Variants in GSTCD observed in about 807,000 individuals in gnomAD.
The protein encoded by GSTCD is glutathione S-transferase C-terminal domain-containing protein.
Under a neutral mutation model 68.3 loss-of-function variants are expected in GSTCD, and 44 were observed. That is an observed-to-expected ratio of 0.64 (90% CI 0.51 to 0.83). The LOEUF is 0.83. Among genes scored for constraint, GSTCD ranks in the 40% least tolerant of loss-of-function variants. The pLI is 0.00. For synonymous variants in GSTCD, 273 were observed against 255.2 expected (o/e 1.07, Z -0.67); for missense variants, 739 against 735.9 (o/e 1.00, Z -0.05).
intron 5 of GSTCD, among the ~76,000 whole-genome samples, chr4:105,743,107 G>A (rs1297494562): frequency 2.6e-5 from 4 of 151,780 alleles, no homozygotes; most frequent in East Asian, 1.9e-4. Context: ...CCGCCACCAC[G>A]CCTGGCTAAT....
At chr4:105,839,439 A>T (rs1560856694) in intron 10 of GSTCD, among the ~76,000 whole-genome samples, 1 of 152,246 alleles carries the variant, frequency 6.6e-6, no homozygotes, top group Non-Finnish European at 1.5e-5. Context: ...GTTCAAGACC[A>T]GCCTGACCAA....
At chr4:105,714,541 C>T (rs933565107) in intron 1 of GSTCD, among the ~76,000 whole-genome samples, 4 of 150,816 alleles carry the variant, frequency 2.7e-5, no homozygotes, top group African/African-American at 9.7e-5. Flanking sequence ...ACAGTGCAAG[C>T]CAAAAACATC....
chr4:105,727,730 C>G (rs918634574), intron 4 of GSTCD, among the ~76,000 whole-genome samples: 19 of 148,740 alleles, frequency 1.3e-4, no homozygotes, highest in African/African-American at 4.7e-4. Context: ...TTTTTTTCTC[C>G]TTGGGGCATA....
Position 105,718,027 on chromosome 4 carries a change from A to G in GSTCD, c.414A>G (p.Lys138=). ...ELLGFKKTCL[K]ACAEVSQWTR... ...TGGGCTTTAAAAAGACTTGCTTGAA[A>G]GCCTGTGCTGAAGTAAGTATAATGT... The change falls in exon 2 of 12, where the codon AAA becomes AAG. Residue 138 remains lysine (K), a synonymous_variant. Coordinates refer to ENST00000515279, the MANE Select transcript of GSTCD (RefSeq NM_001370181.1). 6.2e-7 allele frequency: 1 copy of G among 1,605,608 alleles called. No individual in the cohort carries two copies. Among genetic ancestry groups the G allele is most frequent in the Non-Finnish European group, 8.5e-7 (1 of 1,176,928 alleles).
intron 5 of GSTCD, among the ~76,000 whole-genome samples, chr4:105,755,761 G>A (rs1376644788): frequency 6.6e-6 from 1 of 152,172 alleles, no homozygotes; most frequent in Non-Finnish European, 1.5e-5. Flanking sequence ...GTCTGGAAAG[G>A]TAATCCAAGA....
intron 1 of GSTCD, among the ~76,000 whole-genome samples, chr4:105,710,232 A>ATTTATT (rs1732479869): frequency 1.2e-5 from 1 of 85,722 alleles, no homozygotes; most frequent in Non-Finnish European, 2.0e-5. Flanking sequence ...GGGCCCATCA[A>ATTTATT]TTTTTTTTTT....
intron 5 of GSTCD, among the ~76,000 whole-genome samples, chr4:105,801,260 C>G (rs888624353): frequency 1.3e-5 from 2 of 152,134 alleles, no homozygotes; most frequent in Non-Finnish European, 2.9e-5. Context: ...AAATATTTCA[C>G]TGCTCTGTAC....
intron 3 of GSTCD, among the ~76,000 whole-genome samples, chr4:105,721,715 C>G (rs1253923480): frequency 6.6e-6 from 1 of 151,972 alleles, no homozygotes; most frequent in Non-Finnish European, 1.5e-5. Flanking sequence ...AAACCTGCTG[C>G]AAGCTCTTCC....
intron 5 of GSTCD, among the ~76,000 whole-genome samples, chr4:105,765,013 T>C (rs994890096): frequency 6.6e-6 from 1 of 152,154 alleles, no homozygotes; most frequent in Non-Finnish European, 1.5e-5. Flanking sequence ...TGCATATAGA[T>C]ATAGATTTTT....
At chr4:105,740,173 T>C (rs1225762326) in intron 5 of GSTCD, among the ~76,000 whole-genome samples, 1 of 152,008 alleles carries the variant, frequency 6.6e-6, no homozygotes, top group African/African-American at 2.4e-5. Context: ...GTGCAAGACA[T>C]AGTGTCAGCT....
At chr4:105,742,160 G>T (rs532351015) in intron 5 of GSTCD, among the ~76,000 whole-genome samples, 1 of 152,024 alleles carries the variant, frequency 6.6e-6, no homozygotes, top group Non-Finnish European at 1.5e-5. Context: ...ACTAATAAAG[G>T]CTGTATTAAT....
intron 5 of GSTCD, among the ~76,000 whole-genome samples, chr4:105,811,976 C>T (rs985189862): frequency 6.6e-6 from 1 of 152,108 alleles, no homozygotes; most frequent in African/African-American, 2.4e-5. Flanking sequence ...ACATGTTTGG[C>T]TTGAAGTCTC....
At chr4:105,771,451 A>G (rs1364267979) in intron 5 of GSTCD, among the ~76,000 whole-genome samples, 5 of 152,030 alleles carry the variant, frequency 3.3e-5, no homozygotes, top group African/African-American at 4.8e-5. Flanking sequence ...GCCCATTCCT[A>G]TGTCCTGAAT....
chr4:105,827,885 G>A (rs1723713809), intron 8 of GSTCD, among the ~76,000 whole-genome samples: 1 of 151,762 alleles, frequency 6.6e-6, no homozygotes, highest in Non-Finnish European at 1.5e-5. Flanking sequence ...AAACAACTAA[G>A]TCTTTTTAAA....
intron 5 of GSTCD, among the ~76,000 whole-genome samples, chr4:105,793,659 T>G (rs966992721): frequency 6.6e-6 from 1 of 152,050 alleles, no homozygotes; most frequent in Admixed American, 6.5e-5. Context: ...GTGTGCAGTT[T>G]CTACCTCAAA....
At chr4:105,710,448 C>G (rs1019251526) in intron 1 of GSTCD, among the ~76,000 whole-genome samples, 4 of 145,690 alleles carry the variant, frequency 2.7e-5, no homozygotes, top group Non-Finnish European at 4.5e-5. Flanking sequence ...AGGCTGGTCT[C>G]AAACTCCTGA....
chr4:105,826,558 T>C (rs1359848637), intron 8 of GSTCD, among the ~76,000 whole-genome samples: 1 of 152,138 alleles, frequency 6.6e-6, no homozygotes, highest in Non-Finnish European at 1.5e-5. Flanking sequence ...ATAAATACTA[T>C]CAAAAATCTT....
chr4:105,761,333 A>G (rs1485140107), intron 5 of GSTCD: 1 of 158,812 alleles, frequency 6.3e-6, no homozygotes, highest in Non-Finnish European at 1.4e-5. Context: ...TTTTCTAAAA[A>G]CAGCTTTTGG....
intron 5 of GSTCD, among the ~76,000 whole-genome samples, chr4:105,806,418 A>G (rs1315951675): frequency 6.6e-6 from 1 of 152,134 alleles, no homozygotes; most frequent in Non-Finnish European, 1.5e-5. Context: ...GAGGATTCCA[A>G]TAAATGGTTT....
Sources: gnomAD v4.1 joint callset for allele counts (sites outside exome capture counted in the v4.1 genomes callset) on GRCh38, gnomAD v4.1.1 for gene constraint, MANE v1.5 for transcripts, NCBI Gene and HGNC (gene_info 2026-07-23, HGNC 2026-07-21) for gene names.